SYCE1: variants seen among roughly 807,000 people sequenced by gnomAD.
The protein encoded by SYCE1 is synaptonemal complex central element protein 1.
Under a neutral mutation model 55.1 loss-of-function variants are expected in SYCE1, and 37 were observed. That is an observed-to-expected ratio of 0.67 (90% CI 0.52 to 0.88). The LOEUF (loss-of-function observed/expected upper bound fraction) is 0.88. Ranked by LOEUF, SYCE1 falls within the 40% of genes least tolerant of loss-of-function variation. The pLI is 0.00. For missense variants in SYCE1, 399 were observed against 416.4 expected (o/e 0.96, Z 0.36); for synonymous variants, 163 against 159.4 (o/e 1.02, Z -0.17).
In SYCE1 at chr10:133,554,862, A is replaced by G; in HGVS notation, c.*130T>C. 1.4e-6 allele frequency: 2 copies of G among 1,452,032 alleles called. No homozygotes were observed. Among genetic ancestry groups the G allele is most frequent in the African/African-American group, 1.4e-5 (1 of 69,952 alleles). The allele number at this position is 1,452,032 out of a possible 1,614,324, so 89.9% of individuals were successfully genotyped here. On this transcript the variant is annotated 3_prime_UTR_variant, in exon 13 of 13. Transcript: ENST00000343131. ...CCAGAGACCAGGAGGTTAAGGAAGC[A>G]TTTATTGAAAACCTGTGATGTACCT...
In SYCE1 at chr10:133,557,049, T is replaced by C. The variant is rs1231451376; in HGVS notation, c.464+18A>G. The C allele has an allele frequency of 6.2e-7, 1 of 1,612,016 alleles. No individual in the cohort carries two copies. The highest frequency in any genetic ancestry group is 8.5e-7 in the Non-Finnish European group (1 of 1,178,174). On this transcript the variant is annotated intron_variant, in intron 7 of 12. Transcript: ENST00000343131. Reference sequence around the variant, plus strand: ...CTACTGGCCATCCAAACCCCCTGCCTCAGATGCTAAGGTTTACCTCAGCTG... The same window carrying C: ...CTACTGGCCATCCAAACCCCCTGCCCCAGATGCTAAGGTTTACCTCAGCTG...
At position 133,556,748 on chromosome 10, in the gene SYCE1, G is replaced by A; in HGVS notation, c.528+11C>T. 1 of 1,558,334 alleles carries A rather than the reference G, an allele frequency of 6.4e-7. No individual in the cohort carries two copies. Among genetic ancestry groups the A allele is most frequent in the Middle Eastern group, 1.7e-4 (1 of 5,994 alleles). On this transcript the variant is annotated intron_variant, in intron 8 of 12. Coordinates refer to ENST00000343131, the MANE Select transcript of SYCE1 (RefSeq NM_001143764.3). ...ATGTGGAAGGGGGAGGAGTGGCTTT[G>A]AGGGACTCACGTGGAAGTCCCAGAG...
chr10:133,556,550 G>A, intron 8 of SYCE1: 1 of 613,852 alleles, frequency 1.6e-6, no homozygotes, highest in Non-Finnish European at 2.9e-6. Flanking sequence ...TGGAAGACTT[G>A]ACCTTGGTCT....
chr10:133,557,320 GA>G (rs1297506092), intron 6 of SYCE1, 164 bp from the exon 7 acceptor site: 1 of 650,534 alleles, frequency 1.5e-6, no homozygotes, highest in African/African-American at 1.8e-5. Context: ...TTGCCCCCTG[GA>G]AGTATTGTTG....
chr10:133,560,056 C>A, intron 2 of SYCE1, 35 bp downstream of exon 2: 1 of 1,604,906 alleles, frequency 6.2e-7, no homozygotes, highest in Non-Finnish European at 8.5e-7. Flanking sequence ...GGCCCCAAAC[C>A]TCAGGCTGTG....
At chr10:133,558,037 C>G in intron 5 of SYCE1, 119 bp from the exon 6 acceptor site, 1 of 1,520,274 alleles carries the variant, frequency 6.6e-7, no homozygotes, top group Non-Finnish European at 9.1e-7. Flanking sequence ...ACATTTACTA[C>G]ATGTCTGGTG....
intron 1 of SYCE1, among the ~76,000 whole-genome samples, chr10:133,563,509 C>G (rs779736052): frequency 5.9e-5 from 9 of 152,110 alleles, no homozygotes; most frequent in Admixed American, 2.0e-4. Flanking sequence ...TGCAGCAAGA[C>G]CCTCTCTCTA....
Position 133,559,336 on chromosome 10 carries a change from T to A in SYCE1, c.161A>T (p.Glu54Val), listed in dbSNP as rs750954585. 6.2e-6 allele frequency: 10 copies of A among 1,614,030 alleles called. No homozygotes were observed. Among genetic ancestry groups the A allele is most frequent in the Admixed American group, 1.7e-5 (1 of 60,004 alleles). ...QKVGSLEPRV[E>V]VLINRINEVQ... ...CTCATTAATCCGGTTAATCAGGACCTCAACTCGGGGCTCTAGGCTTCCCAC... is the reference window on the plus strand; with the variant it reads ...CTCATTAATCCGGTTAATCAGGACCACAACTCGGGGCTCTAGGCTTCCCAC... Residue 54 changes from glutamate to valine, a missense_variant, in exon 3 of 13, where the codon GAG becomes GTG. Physicochemically the swap from Glu to Val is moderately radical, Grantham distance 121. Coordinates refer to ENST00000343131, the MANE Select transcript of SYCE1 (RefSeq NM_001143764.3).
chr10:133,567,375 G>A (rs981488712), upstream of SYCE1, among the ~76,000 whole-genome samples: 1 of 151,652 alleles, frequency 6.6e-6, no homozygotes, highest in African/African-American at 2.4e-5. Flanking sequence ...TTAGGGTTAA[G>A]GGTTAGTGTT....
At chr10:133,554,700 G>A (rs779513999), downstream of SYCE1, 12 of 803,096 alleles carry the variant, frequency 1.5e-5, no homozygotes, top group Non-Finnish European at 2.5e-5. Context: ...AGGAATTGAA[G>A]AAATAATCAC....
At chr10:133,554,066 C>A, downstream of SYCE1, 1 of 411,126 alleles carries the variant, frequency 2.4e-6, no homozygotes, top group Non-Finnish European at 4.3e-6. Context: ...AACTGAATTA[C>A]AGTTTTAAAA....
At chr10:133,565,591 C>G, upstream of SYCE1, 1 of 1,507,674 alleles carries the variant, frequency 6.6e-7, no homozygotes, top group Non-Finnish European at 9.0e-7. Flanking sequence ...ATTGGAGCAA[C>G]CGCCGCTGGG....
chr10:133,560,081 GAC>G lies in SYCE1; in HGVS notation c.136+8_136+9del. 1 of 1,613,520 alleles carries G rather than the reference GAC, an allele frequency of 6.2e-7. No homozygotes were observed. Among genetic ancestry groups the G allele is most frequent in the Non-Finnish European group, 8.5e-7 (1 of 1,179,494 alleles). ...CTCAGGCTGTGCCTCACACAAAGGA[GAC>G]ACACGACCTTTCTGCAGCTTTTGCA... On this transcript the variant is annotated splice_region_variant and intron_variant, in intron 2 of 12. Coordinates refer to ENST00000343131, the MANE Select transcript of SYCE1 (RefSeq NM_001143764.3).
At chr10:133,568,276 C>G (rs1296387586), upstream of SYCE1, 2 of 1,419,512 alleles carry the variant, frequency 1.4e-6, no homozygotes, top group African/African-American at 2.8e-5. Flanking sequence ...TCCCGCGGCC[C>G]TTCTCCAGCC....
At chr10:133,559,243 C>A in intron 3 of SYCE1, 58 bp downstream of exon 3, 1 of 1,575,644 alleles carries the variant, frequency 6.3e-7, no homozygotes, top group Non-Finnish European at 8.7e-7. Flanking sequence ...TCACTTGGCA[C>A]TGAGCCCCGC....
At position 133,560,147 on chromosome 10, in the gene SYCE1, T is replaced by C; in HGVS notation, c.80A>G (p.Asp27Gly). 1 of 1,613,988 alleles carries C rather than the reference T, an allele frequency of 6.2e-7. No homozygotes were observed. The highest frequency in any genetic ancestry group is 8.5e-7 in the Non-Finnish European group (1 of 1,179,944). Residue 27 changes from aspartate (D) to glycine (G), a missense_variant, in exon 2 of 13, where the codon GAC (aspartate) becomes GGC (glycine). Coordinates refer to ENST00000343131, the MANE Select transcript of SYCE1 (RefSeq NM_001143764.3). ...VDRAEKAGGQ[D>G]TSSQKIEDLM... ...GTCTTCAATTTTCTGTGAGGACGTGTCCTGCCCTGTGGAGACAAAACCAAA... is the reference window on the plus strand; with the variant it reads ...GTCTTCAATTTTCTGTGAGGACGTGCCCTGCCCTGTGGAGACAAAACCAAA...
chr10:133,565,653 A>C, upstream of SYCE1: 3 of 898,118 alleles, frequency 3.3e-6, no homozygotes, highest in Non-Finnish European at 4.9e-6. Flanking sequence ...GCGCGCCTGG[A>C]GATGTGAGGT....
intron 1 of SYCE1, chr10:133,560,405 T>C (rs79512748): frequency 7.6e-3 from 2,351 of 310,888 alleles, no homozygotes; most frequent in African/African-American, 0.046. Flanking sequence ...CTGAGGCTGT[T>C]CAAAGTAAGA....
Position 133,555,679 on chromosome 10 carries a change from CCTTCCTGTGCT to C in SYCE1, c.737_747del (p.Glu246GlyfsTer2). The C allele has an allele frequency of 6.2e-7, 1 of 1,604,922 alleles. No homozygotes were observed. The highest frequency in any genetic ancestry group is 8.5e-7 in the Non-Finnish European group (1 of 1,179,956). On this transcript the variant is annotated frameshift_variant, in exon 11 of 13. Transcript: ENST00000343131. LOFTEE classifies it high-confidence loss of function. ...GCAGCAGCTGCTAGGAGCTCCTCAG[CCTTCCTGTGCT>C]CTTCCTGAAACAGCTGCCTGGGGGG...
Sources: allele counts gnomAD v4.1 joint callset (sites outside exome capture counted in the v4.1 genomes callset), GRCh38; gene constraint gnomAD v4.1.1; transcripts MANE v1.5; gene names NCBI Gene and HGNC (gene_info 2026-07-23, HGNC 2026-07-21).